TXNDC9: variants seen among roughly 807,000 people sequenced by gnomAD.
TXNDC9 encodes thioredoxin domain-containing protein 9.
TXNDC9 carries 7 observed loss-of-function variants against 23.0 expected under a neutral mutation model. The observed-to-expected ratio is 0.30, with a 90% CI of 0.17 to 0.57. The LOEUF is 0.57. TXNDC9 is among the 20% of genes least tolerant of loss of function. The pLI, the probability that TXNDC9 is intolerant of heterozygous loss-of-function variation, is 0.90. For synonymous variants in TXNDC9, 72 were observed against 90.6 expected, an observed-to-expected ratio of 0.79 and a Z score of 1.17; for missense variants, 198 against 252.6, an observed-to-expected ratio of 0.78 and a Z score of 1.47.
chr2:99,329,044 G>A (rs2094219293), intron 2 of TXNDC9, among the ~76,000 whole-genome samples: 1 of 152,100 alleles, frequency 6.6e-6, no homozygotes. Context: ...GGGAGAAAAG[G>A]AGGATACTGC....
intron 2 of TXNDC9, among the ~76,000 whole-genome samples, chr2:99,328,525 C>G (rs528202061): frequency 6.6e-6 from 1 of 152,296 alleles, no homozygotes; most frequent in Admixed American, 6.5e-5. Context: ...AATTACCTGT[C>G]TTTGTAGCTT....
chr2:99,328,646 A>C (rs1013315049), intron 2 of TXNDC9, among the ~76,000 whole-genome samples: 1 of 152,150 alleles, frequency 6.6e-6, no homozygotes, highest in African/African-American at 2.4e-5. Context: ...TAAAACCAGA[A>C]GCATTTGATC....
At chr2:99,315,887 C>T (rs116630418), downstream of TXNDC9, among the ~76,000 whole-genome samples, 2,489 of 152,168 alleles carry the variant, frequency 0.016, 60 homozygotes, top group African/African-American at 0.056. Flanking sequence ...TTTTGATATC[C>T]GAGTGAGTAC....
Position 99,327,587 on chromosome 2 carries a change from C to G in TXNDC9, c.256G>C (p.Val86Leu), listed in dbSNP as rs1477361510. 1 of 1,613,656 alleles carries G rather than the reference C, an allele frequency of 6.2e-7. No homozygotes were observed. Among genetic ancestry groups the G allele is most frequent in the East Asian group, 2.2e-5 (1 of 44,836 alleles). The change falls in exon 3 of 5, where the codon GTC becomes CTC. Residue 86 changes from valine to leucine, a missense_variant. By Grantham distance (32) the Val-to-Leu change is conservative. Transcript: ENST00000264255. ...IPSERDFFQE[V>L]KESENVVCHF... ...CAAACCACATTTTCACTCTCCTTGA[C>G]TTCTTGAAAAAAGTCTCTTTCACTA...
chr2:99,322,238 A>G (rs2094203531), intron 3 of TXNDC9, 29 bp from the exon 4 acceptor site: 1 of 1,589,640 alleles, frequency 6.3e-7, no homozygotes, highest in African/African-American at 1.4e-5. Flanking sequence ...AGAAAATTAT[A>G]AGCTAAAACC....
At chr2:99,329,401 G>A (rs918178395) in intron 2 of TXNDC9, among the ~76,000 whole-genome samples, 6 of 152,172 alleles carry the variant, frequency 3.9e-5, no homozygotes, top group African/African-American at 1.4e-4. Context: ...ATGTGACAGA[G>A]GTCTGAATCC....
At chr2:99,315,198 G>A (rs2094186266), downstream of TXNDC9, among the ~76,000 whole-genome samples, 1 of 151,606 alleles carries the variant, frequency 6.6e-6, no homozygotes, top group African/African-American at 2.4e-5. Context: ...GAGTAGCTGG[G>A]ACTACAGGCG....
intron 2 of TXNDC9, among the ~76,000 whole-genome samples, chr2:99,330,492 G>A (rs2094222282): frequency 6.6e-6 from 1 of 151,752 alleles, no homozygotes; most frequent in African/African-American, 2.4e-5. Flanking sequence ...AGCCCCTTTT[G>A]GACAGCATGT....
chr2:99,325,987 G>C (rs972122186), intron 3 of TXNDC9, among the ~76,000 whole-genome samples: 1 of 151,604 alleles, frequency 6.6e-6, no homozygotes, highest in Non-Finnish European at 1.5e-5. Flanking sequence ...CTCTAGCCTG[G>C]GTGACAGTGT....
At chr2:99,312,690 G>A in the TXNDC9 span, among the ~76,000 whole-genome samples, 1 of 152,250 alleles carries the variant, frequency 6.6e-6, no homozygotes, top group Non-Finnish European at 1.5e-5. Flanking sequence ...ACAAATGTTA[G>A]TGTATGTCTA....
chr2:99,327,471 A>AT lies in TXNDC9; in HGVS notation c.308+63dup. 8 of 1,175,052 alleles carry AT rather than the reference A, an allele frequency of 6.8e-6. No individual in the cohort carries two copies. The South Asian group carries it at 9.0e-5, about 13-fold the overall frequency. The allele number at this position is 1,175,052 out of a possible 1,614,324, so 72.8% of individuals were successfully genotyped here. A position where few individuals can be genotyped will look rare whatever the true frequency, so the allele number is the denominator to read the frequency against. ...TTCTTCATTTCTCTAGTAAGCCAGT[A>AT]TATCTCCAGCCAAACAATTCACTGT... On this transcript the variant is annotated intron_variant, in intron 3 of 4. Coordinates refer to ENST00000264255, the MANE Select transcript of TXNDC9 (RefSeq NM_005783.4).
At chr2:99,336,128 C>T in intron 1 of TXNDC9, 111 bp downstream of exon 1, 1 of 922,924 alleles carries the variant, frequency 1.1e-6, no homozygotes, top group Non-Finnish European at 1.3e-6. Flanking sequence ...GCCAGGACAC[C>T]GACACCGGTG....
the TXNDC9 span, among the ~76,000 whole-genome samples, chr2:99,313,693 T>C: frequency 7.2e-5 from 11 of 152,266 alleles, no homozygotes; most frequent in African/African-American, 2.4e-4. Context: ...CCTGATGAAA[T>C]ATAGGTGGGC....
intron 3 of TXNDC9, among the ~76,000 whole-genome samples, chr2:99,324,172 T>C (rs143880762): frequency 6.6e-6 from 1 of 152,282 alleles, no homozygotes; most frequent in African/African-American, 2.4e-5. Flanking sequence ...AATATCCAGA[T>C]GAATCAAAAT....
intron 3 of TXNDC9, chr2:99,322,885 C>A (rs1016922037): frequency 6.0e-5 from 23 of 381,448 alleles, no homozygotes; most frequent in Non-Finnish European, 8.7e-5. Context: ...CCTCAGCCTC[C>A]CAAGTAGCTG....
At chr2:99,310,080 A>G in the TXNDC9 span, among the ~76,000 whole-genome samples, 1 of 152,208 alleles carries the variant, frequency 6.6e-6, no homozygotes, top group African/African-American at 2.4e-5. Flanking sequence ...TACTCAAAAT[A>G]AAATATTTGT....
chr2:99,308,371 A>G, the TXNDC9 span, among the ~76,000 whole-genome samples: 87 of 152,234 alleles, frequency 5.7e-4, no homozygotes, highest in South Asian at 8.3e-4. Flanking sequence ...TCTACACAGC[A>G]TAACAGCTTA....
chr2:99,318,517 C>G (rs1024282975), downstream of TXNDC9, among the ~76,000 whole-genome samples: 16 of 152,172 alleles, frequency 1.1e-4, no homozygotes, highest in African/African-American at 3.9e-4. Flanking sequence ...GACAGAACCT[C>G]TGTTCTGCTG....
downstream of TXNDC9, among the ~76,000 whole-genome samples, chr2:99,316,543 T>C (rs946630180): frequency 6.6e-6 from 1 of 152,136 alleles, no homozygotes; most frequent in African/African-American, 2.4e-5. Flanking sequence ...GTTTTCACTA[T>C]AGTTTTGGTA....
Sources: gnomAD v4.1 joint callset for allele counts (sites outside exome capture counted in the v4.1 genomes callset) on GRCh38, gnomAD v4.1.1 for gene constraint, MANE v1.5 for transcripts, NCBI Gene and HGNC (gene_info 2026-07-23, HGNC 2026-07-21) for gene names.